Variants in COG5 observed in about 807,000 individuals in gnomAD.
COG5 encodes the protein conserved oligomeric Golgi complex subunit 5.
In COG5, 86 loss-of-function variants were observed where a neutral mutation model predicts 110.4. That is an observed-to-expected ratio of 0.78 (90% CI 0.65 to 0.93). COG5 has a LOEUF of 0.93. Among genes scored for constraint, COG5 ranks in the 40% least tolerant of loss-of-function variants. The pLI is 0.00. For missense variants in COG5, 1,077 were observed against 987.0 expected (o/e 1.09, Z -1.22); for synonymous variants, 360 against 334.6 (o/e 1.08, Z -0.83).
intron 6 of COG5, among the ~76,000 whole-genome samples, chr7:107,484,788 A>G (rs1797558280): frequency 6.6e-6 from 1 of 152,214 alleles, no homozygotes; most frequent in Admixed American, 6.5e-5. Context: ...ATTAGATGGG[A>G]ATGGTTGTCT....
chr7:107,232,788 G>T (rs1345518934), intron 18 of COG5, among the ~76,000 whole-genome samples: 1 of 152,168 alleles, frequency 6.6e-6, no homozygotes, highest in African/African-American at 2.4e-5. Context: ...AAGAGGAGGT[G>T]ACTCTGCCAT....
chr7:107,522,560 T>TGTTCTGCAC (rs1181854197), intron 6 of COG5, among the ~76,000 whole-genome samples: 1 of 152,088 alleles, frequency 6.6e-6, no homozygotes, highest in African/African-American at 2.4e-5. Context: ...CAAACCTGCA[T>TGTTCTGCAC]GTTCTGCACA....
intron 6 of COG5, among the ~76,000 whole-genome samples, chr7:107,425,214 A>T (rs1793563635): frequency 6.6e-6 from 1 of 152,118 alleles, no homozygotes; most frequent in African/African-American, 2.4e-5. Context: ...TACTAAAAGA[A>T]ACAAAATCCA....
intron 6 of COG5, among the ~76,000 whole-genome samples, chr7:107,414,679 T>C (rs573853598): frequency 1.4e-5 from 2 of 147,016 alleles, no homozygotes; most frequent in East Asian, 2.0e-4. Context: ...AATGTCTTTA[T>C]TGATTCCAAA....
chr7:107,532,343 C>T (rs1294055318), intron 5 of COG5, among the ~76,000 whole-genome samples: 1 of 152,130 alleles, frequency 6.6e-6, no homozygotes, highest in Non-Finnish European at 1.5e-5. Context: ...AGGAATGGAC[C>T]ACTGCACCCA....
At chr7:107,501,211 A>T (rs1004256731) in intron 6 of COG5, among the ~76,000 whole-genome samples, 3 of 152,012 alleles carry the variant, frequency 2.0e-5, no homozygotes, top group African/African-American at 7.2e-5. Context: ...ATTAAGACAC[A>T]TTTTTTTCAA....
At chr7:107,517,785 C>T (rs574829520) in intron 6 of COG5, among the ~76,000 whole-genome samples, 161 of 152,012 alleles carry the variant, frequency 1.1e-3, no homozygotes, top group Non-Finnish European at 1.9e-3. Context: ...ACAACCTCTG[C>T]CTCCCAGGTT....
intron 5 of COG5, among the ~76,000 whole-genome samples, chr7:107,529,998 C>G (rs77855838): frequency 6.6e-6 from 1 of 152,096 alleles, no homozygotes; most frequent in South Asian, 2.1e-4. Flanking sequence ...TTAAATACAT[C>G]GTAAGAAGAA....
chr7:107,383,527 C>T (rs916554573), intron 7 of COG5, among the ~76,000 whole-genome samples: 2 of 152,108 alleles, frequency 1.3e-5, no homozygotes, highest in East Asian at 3.9e-4. Context: ...GTGGATAATT[C>T]CTATTCTCTA....
intron 9 of COG5, 57 bp from the exon 10 acceptor site, chr7:107,362,167 G>A: frequency 7.0e-7 from 1 of 1,429,080 alleles, no homozygotes; most frequent in Non-Finnish European, 9.8e-7. Flanking sequence ...AAGGGAAATG[G>A]CAACCTTTAC....
chr7:107,464,986 A>T (rs1796213377), intron 6 of COG5, among the ~76,000 whole-genome samples: 1 of 152,124 alleles, frequency 6.6e-6, no homozygotes, highest in Non-Finnish European at 1.5e-5. Flanking sequence ...CCTTCCTGAG[A>T]AATGGATGGA....
At chr7:107,509,293 A>C (rs940869900) in intron 6 of COG5, among the ~76,000 whole-genome samples, 4 of 152,216 alleles carry the variant, frequency 2.6e-5, no homozygotes, top group African/African-American at 4.8e-5. Flanking sequence ...AAGAAAGGGT[A>C]CCAGTGATGG....
intron 7 of COG5, among the ~76,000 whole-genome samples, chr7:107,399,012 G>T (rs1262565472): frequency 1.3e-5 from 2 of 152,080 alleles, no homozygotes; most frequent in Non-Finnish European, 2.9e-5. Context: ...GACCAACCCT[G>T]CCAACATAGT....
At chr7:107,340,229 G>A (rs963869057) in intron 10 of COG5, among the ~76,000 whole-genome samples, 1 of 152,078 alleles carries the variant, frequency 6.6e-6, no homozygotes, top group African/African-American at 2.4e-5. Flanking sequence ...AAGCTCCTCA[G>A]AGACTATTAG....
At chr7:107,271,984 T>C (rs1305191222) in intron 14 of COG5, among the ~76,000 whole-genome samples, 2 of 152,188 alleles carry the variant, frequency 1.3e-5, no homozygotes, top group African/African-American at 2.4e-5. Flanking sequence ...CTTTGGCCTA[T>C]AGATCATTTA....
intron 6 of COG5, among the ~76,000 whole-genome samples, chr7:107,426,082 C>A (rs1188256534): frequency 1.3e-5 from 2 of 152,158 alleles, no homozygotes; most frequent in Non-Finnish European, 2.9e-5. Flanking sequence ...ATGGACCACA[C>A]AAGGAAGCAA....
chr7:107,472,695 T>C (rs1796710722), intron 6 of COG5: 1 of 151,970 alleles, frequency 6.6e-6, no homozygotes, highest in African/African-American at 2.4e-5. Flanking sequence ...GAAATAATGT[T>C]ACCATTTGTG....
At chr7:107,443,791 T>C (rs1022436506) in intron 6 of COG5, among the ~76,000 whole-genome samples, 11 of 152,194 alleles carry the variant, frequency 7.2e-5, no homozygotes, top group African/African-American at 2.7e-4. Flanking sequence ...GGCATACTTA[T>C]GTTCCTATCC....
At chr7:107,260,540 C>A (rs186218030) in intron 14 of COG5, among the ~76,000 whole-genome samples, 1 of 151,914 alleles carries the variant, frequency 6.6e-6, no homozygotes, top group Admixed American at 6.6e-5. Context: ...GTGAGTTATA[C>A]GACATGTGAA....
Sources: allele counts gnomAD v4.1 joint callset (sites outside exome capture counted in the v4.1 genomes callset), GRCh38; gene constraint gnomAD v4.1.1; transcripts MANE v1.5; gene names NCBI Gene and HGNC (gene_info 2026-07-23, HGNC 2026-07-21).